DCDC2: variants seen among roughly 807,000 people sequenced by gnomAD.
DCDC2 encodes the protein doublecortin domain-containing protein 2.
In DCDC2, 40 loss-of-function variants were observed where a neutral mutation model predicts 50.2. The ratio of observed to expected loss-of-function variants is 0.80; its 90% confidence interval spans 0.62 to 1.04. The LOEUF (loss-of-function observed/expected upper bound fraction) is 1.04, where lower values mean the gene tolerates loss of function less well. Among genes scored for constraint, DCDC2 ranks in the 50% least tolerant of loss-of-function variants. The pLI, the probability that DCDC2 is intolerant of heterozygous loss-of-function variation, is 0.00. For missense variants in DCDC2, 570 were observed against 581.9 expected (o/e 0.98, Z 0.21); for synonymous variants, 234 against 210.6 (o/e 1.11, Z -0.96).
chr6:24,343,269 T>C (rs911724530), intron 2 of DCDC2, among the ~76,000 whole-genome samples: 1 of 152,196 alleles, frequency 6.6e-6, no homozygotes, highest in South Asian at 2.1e-4. Flanking sequence ...CAGGATGGTC[T>C]CGATCTCCTG....
In DCDC2 at chr6:24,182,850, A is replaced by ACCCAAGT. The variant is rs1260997379; in HGVS notation, c.1024-4225_1024-4219dup. On this transcript the variant is annotated intron_variant, in intron 8 of 9. Transcript: ENST00000378454. ...CAAGGACTTGAAGAGATATTTGTAC[A>ACCCAAGT]CCCAAGTTTATAGGAGAATTATTCA... Among the ~76,000 whole-genome samples, 22 of 152,300 alleles carry ACCCAAGT rather than the reference A, an allele frequency of 1.4e-4. No homozygotes were observed. The East Asian group carries it at 3.7e-3, about 25-fold the overall frequency.
At chr6:24,245,102 G>A (rs1762641992) in intron 7 of DCDC2, among the ~76,000 whole-genome samples, 2 of 152,166 alleles carry the variant, frequency 1.3e-5, no homozygotes, top group African/African-American at 2.4e-5. Context: ...GTTGAGGCAT[G>A]AGAATCACTT....
intron 2 of DCDC2, among the ~76,000 whole-genome samples, chr6:24,303,061 A>T (rs567856950): frequency 6.6e-6 from 1 of 151,470 alleles, no homozygotes; most frequent in Non-Finnish European, 1.5e-5. Context: ...CTAACCCCAC[A>T]TCTTGATTTT....
intron 2 of DCDC2, among the ~76,000 whole-genome samples, chr6:24,308,213 C>G (rs1377211415): frequency 2.0e-5 from 3 of 152,224 alleles, no homozygotes; most frequent in Non-Finnish European, 4.4e-5. Context: ...ACAGAATCTC[C>G]AGTGGTGGAA....
chr6:24,225,479 G>A (rs575714152), intron 7 of DCDC2, among the ~76,000 whole-genome samples: 31 of 152,040 alleles, frequency 2.0e-4, no homozygotes, highest in South Asian at 1.7e-3. Context: ...AAGATGGATA[G>A]AAAGCTCACA....
chr6:24,376,781 AAG>A, the DCDC2 span, among the ~76,000 whole-genome samples: 5 of 148,858 alleles, frequency 3.4e-5, no homozygotes, highest in African/African-American at 1.2e-4. Flanking sequence ...TAGAAAAAAA[AAG>A]AAACAATTTT....
chr6:24,216,752 T>C (rs1761991592), intron 7 of DCDC2, among the ~76,000 whole-genome samples: 1 of 152,260 alleles, frequency 6.6e-6, no homozygotes, highest in Non-Finnish European at 1.5e-5. Flanking sequence ...CAAACATTTG[T>C]ACAGAAATTT....
chr6:24,300,206 A>G (rs1407070284), intron 4 of DCDC2, among the ~76,000 whole-genome samples: 1 of 152,000 alleles, frequency 6.6e-6, no homozygotes, highest in East Asian at 1.9e-4. Context: ...CTTGGGCAAC[A>G]TGACAAAATC....
chr6:24,235,650 CA>C (rs1350681102), intron 7 of DCDC2, among the ~76,000 whole-genome samples: 1 of 152,142 alleles, frequency 6.6e-6, no homozygotes, highest in Non-Finnish European at 1.5e-5. Flanking sequence ...AAACATACCT[CA>C]AAATAACTAG....
chr6:24,249,557 A>T (rs373064194), intron 7 of DCDC2, among the ~76,000 whole-genome samples: 2 of 152,358 alleles, frequency 1.3e-5, no homozygotes, highest in East Asian at 3.9e-4. Flanking sequence ...CAAAACGCCT[A>T]TATTTAGGTT....
intron 7 of DCDC2, among the ~76,000 whole-genome samples, chr6:24,241,110 G>A (rs1762553627): frequency 6.6e-6 from 1 of 152,182 alleles, no homozygotes; most frequent in South Asian, 2.1e-4. Flanking sequence ...TAAAGCCCAT[G>A]ACCTTCAGCC....
At chr6:24,235,201 C>T (rs1435048356) in intron 7 of DCDC2, among the ~76,000 whole-genome samples, 1 of 152,176 alleles carries the variant, frequency 6.6e-6, no homozygotes, top group Non-Finnish European at 1.5e-5. Context: ...AGGGGGGCCA[C>T]AGAACACTGA....
upstream of DCDC2, among the ~76,000 whole-genome samples, chr6:24,360,562 T>C (rs1312891848): frequency 6.6e-6 from 1 of 152,078 alleles, no homozygotes; most frequent in South Asian, 2.1e-4. Context: ...GTTGTGAGAA[T>C]AGTAACAGCC....
At chr6:24,188,371 T>A (rs1035002381) in intron 8 of DCDC2, among the ~76,000 whole-genome samples, 4 of 152,180 alleles carry the variant, frequency 2.6e-5, no homozygotes, top group Admixed American at 6.5e-5. Context: ...AAGTTACCAA[T>A]TTACTGAAAG....
At chr6:24,215,778 G>T (rs1026820924) in intron 7 of DCDC2, among the ~76,000 whole-genome samples, 1 of 152,302 alleles carries the variant, frequency 6.6e-6, no homozygotes, top group South Asian at 2.1e-4. Context: ...CTGAGGGGGC[G>T]GCACTGCTTG....
chr6:24,318,992 C>G (rs376844718), intron 2 of DCDC2, among the ~76,000 whole-genome samples: 2 of 151,966 alleles, frequency 1.3e-5, no homozygotes, highest in African/African-American at 4.8e-5. Context: ...ATTTTTAGTT[C>G]TTTGAGAAAT....
At chr6:24,319,652 T>C (rs1010089659) in intron 2 of DCDC2, among the ~76,000 whole-genome samples, 1 of 152,202 alleles carries the variant, frequency 6.6e-6, no homozygotes, top group Non-Finnish European at 1.5e-5. Flanking sequence ...TATGCTACCC[T>C]ACATATAGGT....
chr6:24,268,730 C>T (rs552330200), intron 7 of DCDC2, among the ~76,000 whole-genome samples: 285 of 152,092 alleles, frequency 1.9e-3, no homozygotes, highest in Middle Eastern at 6.8e-3. Flanking sequence ...CGACACTATG[C>T]CCGGCTAATT....
intron 4 of DCDC2, among the ~76,000 whole-genome samples, chr6:24,301,229 G>C (rs1279739202): frequency 2.6e-5 from 4 of 151,782 alleles, no homozygotes; most frequent in Non-Finnish European, 5.9e-5. Flanking sequence ...AAATTAGCCG[G>C]GCGTGGTGGT....
Sources: gnomAD v4.1 joint callset for allele counts (sites outside exome capture counted in the v4.1 genomes callset) on GRCh38, gnomAD v4.1.1 for gene constraint, MANE v1.5 for transcripts, NCBI Gene and HGNC (gene_info 2026-07-23, HGNC 2026-07-21) for gene names.